The following AMD1 variants were observed in gnomAD, a reference collection of about 807,000 sequenced individuals.
AMD1 encodes adenosylmethionine decarboxylase 1.
AMD1 carries 11 observed loss-of-function variants against 40.2 expected under a neutral mutation model. That is an observed-to-expected ratio of 0.27 (90% confidence interval 0.17 to 0.45). The LOEUF is 0.45. AMD1 is among the 20% of genes least tolerant of loss of function. The pLI is 1.00. For synonymous variants in AMD1, 121 were observed against 130.8 expected (o/e 0.93, Z 0.51); for missense variants, 257 against 410.2 (o/e 0.63, Z 3.23).
At chr6:110,863,247 C>A in the AMD1 span, among the ~76,000 whole-genome samples, 1 of 149,558 alleles carries the variant, frequency 6.7e-6, no homozygotes, top group African/African-American at 2.5e-5. Context: ...GCCTGGCCCC[C>A]AAGTTCGTTT....
At chr6:110,868,678 C>A in the AMD1 span, among the ~76,000 whole-genome samples, 1 of 152,138 alleles carries the variant, frequency 6.6e-6, no homozygotes, top group African/African-American at 2.4e-5. Context: ...TCTCCTCTAT[C>A]CATATTAGTT....
At chr6:110,887,155 G>T (rs1235510468) in intron 1 of AMD1, among the ~76,000 whole-genome samples, 2 of 151,826 alleles carry the variant, frequency 1.3e-5, no homozygotes, top group Non-Finnish European at 2.9e-5. Flanking sequence ...TGTTTCTTAA[G>T]GTTAAAAATC....
chr6:110,836,844 T>C, the AMD1 span, among the ~76,000 whole-genome samples: 1 of 152,092 alleles, frequency 6.6e-6, no homozygotes, highest in East Asian at 1.9e-4. Flanking sequence ...AGTTGGTCTC[T>C]GTTGATAGAT....
the AMD1 span, among the ~76,000 whole-genome samples, chr6:110,843,730 C>T: frequency 4.6e-5 from 7 of 152,028 alleles, no homozygotes; most frequent in Admixed American, 1.3e-4. Context: ...AGACTACAGG[C>T]GTGCACCACC....
chr6:110,891,745 A>G (rs1256225554), intron 4 of AMD1: 1 of 190,036 alleles, frequency 5.3e-6, no homozygotes, highest in African/African-American at 2.4e-5. Context: ...TTCACTGATG[A>G]CATTTCTTTT....
the AMD1 span, among the ~76,000 whole-genome samples, chr6:110,867,065 G>A: frequency 7.9e-5 from 12 of 151,928 alleles, no homozygotes; most frequent in East Asian, 1.9e-4. Context: ...CACCCGCCTC[G>A]GCCTCCCAAA....
chr6:110,828,159 G>T, the AMD1 span, among the ~76,000 whole-genome samples: 1 of 152,142 alleles, frequency 6.6e-6, no homozygotes, highest in South Asian at 2.1e-4. Context: ...GGCCAGGCCC[G>T]GTGGCTCACG....
At chr6:110,822,523 G>A in the AMD1 span, among the ~76,000 whole-genome samples, 1 of 152,060 alleles carries the variant, frequency 6.6e-6, no homozygotes, top group Non-Finnish European at 1.5e-5. Flanking sequence ...AAAAGATTGT[G>A]AAAGAAGGAA....
the AMD1 span, chr6:110,816,047 CT>C: frequency 2.6e-5 from 4 of 152,194 alleles, no homozygotes; most frequent in South Asian, 6.2e-4. Flanking sequence ...ATAGGTTGAT[CT>C]TTTTTCTTTA....
intron 1 of AMD1, among the ~76,000 whole-genome samples, chr6:110,884,014 C>T (rs1176470763): frequency 6.6e-6 from 1 of 152,196 alleles, no homozygotes; most frequent in Non-Finnish European, 1.5e-5. Flanking sequence ...TTTATATGAA[C>T]ACTCCTTAGC....
intron 4 of AMD1, chr6:110,891,769 G>A (rs988672954): frequency 1.1e-5 from 2 of 188,170 alleles, no homozygotes; most frequent in African/African-American, 2.4e-5. Context: ...TTGAGATGGC[G>A]TCTCGCTTTG....
At chr6:110,876,390 G>GC (rs1469757337) in intron 1 of AMD1, among the ~76,000 whole-genome samples, 1 of 152,184 alleles carries the variant, frequency 6.6e-6, no homozygotes, top group East Asian at 1.9e-4. Context: ...GGGCTCCTGG[G>GC]CCGCACTCAG....
Position 110,892,392 on chromosome 6 carries a change from T to C in AMD1, c.564T>C (p.Val188=). The C allele has an allele frequency of 1.2e-6, 2 of 1,612,638 alleles. No individual in the cohort carries two copies. Among genetic ancestry groups the C allele is most frequent in the South Asian group, 2.2e-5 (2 of 91,004 alleles). The part of the protein sequence containing the change: ...EILMSELDPA[V]MDQFYMKDGV... Reference sequence around the variant, plus strand: ...TGATGAGTGAGCTTGACCCAGCAGTTATGGACCAGTTCTACATGAAAGATG... The same window carrying C: ...TGATGAGTGAGCTTGACCCAGCAGTCATGGACCAGTTCTACATGAAAGATG... The change falls in exon 6 of 9, where the codon GTT becomes GTC. Residue 188 remains valine (V), a synonymous_variant. Coordinates refer to ENST00000368885, the MANE Select transcript of AMD1 (RefSeq NM_001634.6).
upstream of AMD1, among the ~76,000 whole-genome samples, chr6:110,874,569 C>T (rs1784990927): frequency 6.6e-6 from 1 of 152,238 alleles, no homozygotes; most frequent in African/African-American, 2.4e-5. Context: ...CATCACAGCA[C>T]CAACTCCCAC....
intron 6 of AMD1, 74 bp downstream of exon 6, chr6:110,892,517 T>A: frequency 6.3e-7 from 1 of 1,588,734 alleles, no homozygotes; most frequent in East Asian, 2.2e-5. Flanking sequence ...ATTCTGTAAC[T>A]TTTAAGTTCA....
the AMD1 span, among the ~76,000 whole-genome samples, chr6:110,840,986 C>A: frequency 6.6e-6 from 1 of 152,266 alleles, no homozygotes; most frequent in Admixed American, 6.5e-5. Context: ...TCCTTTTATT[C>A]CCTTAACAAT....
chr6:110,839,693 T>C, the AMD1 span, among the ~76,000 whole-genome samples: 2 of 152,198 alleles, frequency 1.3e-5, no homozygotes, highest in African/African-American at 4.8e-5. Flanking sequence ...TCCTTTTTTT[T>C]AGTGGGGGCA....
the AMD1 span, among the ~76,000 whole-genome samples, chr6:110,866,875 G>A: frequency 6.6e-6 from 1 of 151,214 alleles, no homozygotes; most frequent in African/African-American, 2.4e-5. Context: ...GTGCAATGGC[G>A]CAATCTTGGC....
At chr6:110,836,025 A>G in the AMD1 span, among the ~76,000 whole-genome samples, 1 of 151,602 alleles carries the variant, frequency 6.6e-6, no homozygotes, top group African/African-American at 2.4e-5. Context: ...AAAAAAAAAA[A>G]AAAAAAAAAA....
Sources: allele counts gnomAD v4.1 joint callset (sites outside exome capture counted in the v4.1 genomes callset), GRCh38; gene constraint gnomAD v4.1.1; transcripts MANE v1.5; gene names NCBI Gene and HGNC (gene_info 2026-07-23, HGNC 2026-07-21).